Variants in GNAO1 observed in about 807,000 individuals in gnomAD.
The protein encoded by GNAO1 is guanine nucleotide-binding protein G(o) subunit alpha.
For missense variants in GNAO1, 166 were observed against 478.7 expected (o/e 0.35, Z 6.10); for synonymous variants, 164 against 180.7 (o/e 0.91, Z 0.74).
chr16:56,337,087 A>G (rs959628768), intron 6 of GNAO1, among the ~76,000 whole-genome samples: 6 of 152,244 alleles, frequency 3.9e-5, no homozygotes, highest in African/African-American at 1.4e-4. Context: ...TGTGTATGCA[A>G]CCTGATCACA....
intron 3 of GNAO1, among the ~76,000 whole-genome samples, chr16:56,289,606 G>C (rs1274643054): frequency 6.6e-6 from 1 of 152,200 alleles, no homozygotes; most frequent in African/African-American, 2.4e-5. Context: ...AAAGGCTCCC[G>C]GTGTGGGGAG....
At chr16:56,305,895 A>G (rs1374947512) in intron 3 of GNAO1, among the ~76,000 whole-genome samples, 2 of 152,158 alleles carry the variant, frequency 1.3e-5, no homozygotes, top group Admixed American at 1.3e-4. Flanking sequence ...CGCCAGTCCT[A>G]TTGGATTAGA....
chr16:56,224,824 T>G (rs2036520463), intron 2 of GNAO1, among the ~76,000 whole-genome samples: 8 of 152,240 alleles, frequency 5.3e-5, no homozygotes, highest in Admixed American at 5.2e-4. Context: ...ATTTAGGGCA[T>G]TTGGCTCCTT....
At chr16:56,324,889 C>T (rs1485869238) in intron 3 of GNAO1, among the ~76,000 whole-genome samples, 1 of 152,272 alleles carries the variant, frequency 6.6e-6, no homozygotes, top group East Asian at 1.9e-4. Flanking sequence ...CACTGCCCTT[C>T]TGCAGTGGAC....
intron 6 of GNAO1, among the ~76,000 whole-genome samples, chr16:56,337,488 C>T (rs781438166): frequency 1.4e-4 from 22 of 152,200 alleles, no homozygotes; most frequent in African/African-American, 2.2e-4. Flanking sequence ...TTCTGTCTTG[C>T]GTCACATTCA....
chr16:56,282,018 T>C (rs1157720641), intron 3 of GNAO1, among the ~76,000 whole-genome samples: 1 of 152,252 alleles, frequency 6.6e-6, no homozygotes, highest in Non-Finnish European at 1.5e-5. Flanking sequence ...TGAGGCTTTA[T>C]TCAGTTGAAA....
intron 2 of GNAO1, among the ~76,000 whole-genome samples, chr16:56,246,259 C>T (rs2036743317): frequency 6.6e-6 from 1 of 152,204 alleles, no homozygotes. Context: ...CTCAGGCCCT[C>T]CTGAAGCAGT....
chr16:56,197,448 G>A (rs2036243290), intron 2 of GNAO1, among the ~76,000 whole-genome samples: 1 of 152,196 alleles, frequency 6.6e-6, no homozygotes, highest in Non-Finnish European at 1.5e-5. Context: ...CCTCCTTACT[G>A]TGCACTGAGC....
chr16:56,275,897 C>A, intron 2 of GNAO1, 34 bp from the exon 3 acceptor site: 1 of 1,586,282 alleles, frequency 6.3e-7, no homozygotes, highest in South Asian at 1.2e-5. Context: ...GGACAATGCT[C>A]TCATCAGGTG....
At chr16:56,284,903 A>G (rs1239712586) in intron 3 of GNAO1, among the ~76,000 whole-genome samples, 1 of 152,224 alleles carries the variant, frequency 6.6e-6, no homozygotes, top group African/African-American at 2.4e-5. Flanking sequence ...TGATCCCTCC[A>G]CAGCGTTTGC....
rs1454901506 is a variant in GNAO1, at chr16:56,354,802, C to G, written c.878-64C>G. The G allele has an allele frequency of 9.8e-7, 1 of 1,017,784 alleles. No individual in the cohort carries two copies. Among genetic ancestry groups the G allele is most frequent in the African/African-American group, 1.6e-5 (1 of 63,376 alleles). 63.0% of individuals were successfully genotyped at this position (1,017,784 alleles called of 1,614,324 possible). A position where few individuals can be genotyped will look rare whatever the true frequency, so the allele number is the denominator to read the frequency against. ...ACAACCCACTTCTTGTCTTCATGTC[C>G]CCAGCCCTGTCCACCCACAGCGCTC... On this transcript the variant is annotated intron_variant, in intron 7 of 8. Transcript: ENST00000262493. The surrounding 1 kb of genome is among the most constrained non-coding windows in gnomAD (Gnocchi z 4.3).
At chr16:56,271,294 T>G (rs1363536316) in intron 2 of GNAO1, among the ~76,000 whole-genome samples, 1 of 152,198 alleles carries the variant, frequency 6.6e-6, no homozygotes, top group African/African-American at 2.4e-5. Context: ...AGGAGATAAT[T>G]TATCTCCTAG....
chr16:56,252,780 C>T (rs1385023262), intron 2 of GNAO1, among the ~76,000 whole-genome samples: 1 of 152,234 alleles, frequency 6.6e-6, no homozygotes, highest in African/African-American at 2.4e-5. Flanking sequence ...GGCCCCGGCC[C>T]CATCCAGCTG....
intron 6 of GNAO1, among the ~76,000 whole-genome samples, chr16:56,349,308 G>A (rs1354452251): frequency 6.6e-6 from 1 of 152,208 alleles, no homozygotes; most frequent in African/African-American, 2.4e-5. Flanking sequence ...TGGGTTTCCA[G>A]CTCTCTGTTA....
intron 2 of GNAO1, among the ~76,000 whole-genome samples, chr16:56,230,354 C>G (rs1251867507): frequency 6.6e-6 from 1 of 152,154 alleles, no homozygotes; most frequent in Admixed American, 6.5e-5. Context: ...CCTCCAAGCC[C>G]CAGCCATCTG....
chr16:56,192,556 C>A lies in GNAO1; in HGVS notation c.119-18C>A. ...GCTGACACTCACCAGTTTTTCCCCA[C>A]TGTCTGTGTCCCAACAGGGGCTGGA... On this transcript the variant is annotated intron_variant, in intron 1 of 8. Transcript: ENST00000262493. The A allele has an allele frequency of 6.3e-7, 1 of 1,579,800 alleles. No homozygotes were observed. The highest frequency in any genetic ancestry group is 8.7e-7 in the Non-Finnish European group (1 of 1,149,664).
At chr16:56,229,299 G>A (rs2036565081) in intron 2 of GNAO1, among the ~76,000 whole-genome samples, 1 of 152,176 alleles carries the variant, frequency 6.6e-6, no homozygotes, top group Non-Finnish European at 1.5e-5. Flanking sequence ...CCACCTCCCA[G>A]GTTCAAGTAA....
chr16:56,205,601 C>T (rs2143313996), intron 2 of GNAO1, among the ~76,000 whole-genome samples: 2 of 152,306 alleles, frequency 1.3e-5, no homozygotes, highest in East Asian at 3.9e-4. Context: ...TCTTTGAATC[C>T]TTTCCTTAGA....
In GNAO1 at chr16:56,357,236, A is replaced by C. The variant is rs1394962970; in HGVS notation, c.*1162A>C. On this transcript the variant is annotated 3_prime_UTR_variant, in exon 9 of 9. Coordinates refer to ENST00000262493, the MANE Select transcript of GNAO1 (RefSeq NM_020988.3). ...AAGACCAGTCACAGCCATTTCAAATAAAGAGGAGGCAAAAAGACAAAACAC... is the reference window on the plus strand; with the variant it reads ...AAGACCAGTCACAGCCATTTCAAATCAAGAGGAGGCAAAAAGACAAAACAC... 2.6e-5 allele frequency: 4 copies of C among 152,278 alleles called. No homozygotes were observed. The highest frequency in any genetic ancestry group is 6.6e-5 in the Admixed American group (1 of 15,260). The allele number at this position is 152,278 out of a possible 1,614,324, so 9.4% of individuals were successfully genotyped here.
Sources: allele counts gnomAD v4.1 joint callset (sites outside exome capture counted in the v4.1 genomes callset), GRCh38; gene constraint gnomAD v4.1.1; non-coding constraint Gnocchi (gnomAD v3.1); transcripts MANE v1.5; gene names NCBI Gene and HGNC (gene_info 2026-07-23, HGNC 2026-07-21).